The following RERE variants were observed in gnomAD, a reference collection of about 807,000 sequenced individuals.
RERE encodes the protein arginine-glutamic acid dipeptide repeats protein.
Under a neutral mutation model 146.1 loss-of-function variants are expected in RERE, and 40 were observed. The observed-to-expected ratio is 0.27, with a 90% CI of 0.21 to 0.36. RERE has a LOEUF of 0.36. Ranked by LOEUF, RERE falls within the 10% of genes least tolerant of loss-of-function variation. RERE has a pLI of 1.00. For missense variants in RERE, 1,933 were observed against 2,138.7 expected, an observed-to-expected ratio of 0.90 and a Z score of 1.90; for synonymous variants, 1,003 against 866.0, an observed-to-expected ratio of 1.16 and a Z score of -2.78.
intron 10 of RERE, among the ~76,000 whole-genome samples, chr1:8,479,335 A>T (rs1644802131): frequency 6.6e-6 from 1 of 151,836 alleles, no homozygotes; most frequent in Non-Finnish European, 1.5e-5. Flanking sequence ...CAAAATAAGT[A>T]ATATATTTTA....
chr1:8,607,534 CTTTTTTTTTT>C (rs1167501074), intron 4 of RERE, among the ~76,000 whole-genome samples: 309 of 48,592 alleles, frequency 6.4e-3, no homozygotes, highest in Admixed American at 0.014. Context: ...ATATATATTT[CTTTTTTTTTT>C]TTTTTTTTTT....
At chr1:8,712,419 T>C (rs952422779) in intron 1 of RERE, among the ~76,000 whole-genome samples, 6 of 152,182 alleles carry the variant, frequency 3.9e-5, no homozygotes, top group African/African-American at 1.4e-4. Context: ...GATCATCCCC[T>C]CCAATCTTCA....
intron 2 of RERE, among the ~76,000 whole-genome samples, chr1:8,651,524 T>C (rs1268816183): frequency 1.3e-5 from 2 of 151,760 alleles, no homozygotes; most frequent in African/African-American, 4.8e-5. Flanking sequence ...AGGATAATGG[T>C]TTTTCATCAC....
intron 2 of RERE, among the ~76,000 whole-genome samples, chr1:8,650,211 T>C (rs1212900673): frequency 6.6e-6 from 1 of 152,214 alleles, no homozygotes; most frequent in Non-Finnish European, 1.5e-5. Context: ...CTAAATAATA[T>C]TTAATTTCTC....
intron 4 of RERE, among the ~76,000 whole-genome samples, chr1:8,569,165 A>T (rs999241420): frequency 6.6e-6 from 1 of 152,046 alleles, no homozygotes; most frequent in Admixed American, 6.6e-5. Flanking sequence ...GAAGAAAAAA[A>T]TAGCTATTCG....
chr1:8,645,071 G>A (rs896110517), intron 2 of RERE, among the ~76,000 whole-genome samples: 3 of 152,002 alleles, frequency 2.0e-5, no homozygotes, highest in African/African-American at 7.2e-5. Context: ...TTCCTCATCT[G>A]TACAGCAGGG....
intron 1 of RERE, among the ~76,000 whole-genome samples, chr1:8,686,145 C>T (rs572201611): frequency 6.6e-6 from 1 of 151,626 alleles, no homozygotes; most frequent in South Asian, 2.1e-4. Flanking sequence ...CCATGCCTGG[C>T]TAATTTATTG....
rs748731873 is a variant in RERE at position 8,531,429 on chromosome 1, C to T, written c.830+9785G>A. On this transcript the variant is annotated intron_variant, in intron 7 of 22. Transcript: ENST00000400908. ...CTGCACTCCAGCCTGGGCAACAGAG[C>T]GAGACTCCACCTCAACAAAAAAAAA... Among the ~76,000 whole-genome samples, 23 of 150,936 alleles carry T rather than the reference C, an allele frequency of 1.5e-4. No individual in the cohort carries two copies. In the South Asian group the frequency reaches 1.9e-3, roughly 12 times the overall value.
intron 1 of RERE, among the ~76,000 whole-genome samples, chr1:8,734,933 T>G (rs550410616): frequency 2.6e-5 from 4 of 152,284 alleles, no homozygotes; most frequent in Middle Eastern, 3.4e-3. Context: ...ACTTACCGCA[T>G]CCCTCATAGA....
intron 1 of RERE, among the ~76,000 whole-genome samples, chr1:8,695,023 A>G (rs1390996316): frequency 6.8e-6 from 1 of 146,556 alleles, no homozygotes; most frequent in Admixed American, 6.9e-5. Context: ...TTCAAGCTAT[A>G]CTATAAGGCT....
Position 8,403,825 on chromosome 1 carries a change from C to CTTTTTTTTTTTTTTTT in RERE, c.1284+18886_1284+18901dup, listed in dbSNP as rs869295197. ...TCTATTTTTCTTAATAAAATCTTAG[C>CTTTTTTTTTTTTTTTT]TTTTTTTTTTTTTTTTTTTTTTTGA... On this transcript the variant is annotated intron_variant, in intron 12 of 22. Coordinates refer to ENST00000400908, the MANE Select transcript of RERE (RefSeq NM_001042681.2). 1.1e-3 allele frequency among the ~76,000 whole-genome samples: 81 copies of CTTTTTTTTTTTTTTTT among 70,860 alleles called. 26 individuals carry two copies. The highest frequency in any genetic ancestry group is 2.9e-3 in the East Asian group (5 of 1,746). The allele number at this position is 70,860 out of a possible 152,430, so 46.5% of individuals were successfully genotyped here. A position where few individuals can be genotyped will look rare whatever the true frequency, so the allele number is the denominator to read the frequency against.
intron 10 of RERE, among the ~76,000 whole-genome samples, chr1:8,476,469 G>A (rs778003864): frequency 6.6e-6 from 1 of 152,116 alleles, no homozygotes. Flanking sequence ...ATGAGGGTGG[G>A]TGGAGGAAAG....
intron 4 of RERE, among the ~76,000 whole-genome samples, chr1:8,571,420 C>G (rs1238834426): frequency 2.0e-5 from 3 of 152,126 alleles, no homozygotes; most frequent in Admixed American, 6.6e-5. Flanking sequence ...AATATTTGCA[C>G]TTTTAAGAAG....
At chr1:8,373,753 C>G (rs756143135) in intron 12 of RERE, among the ~76,000 whole-genome samples, 1 of 152,206 alleles carries the variant, frequency 6.6e-6, no homozygotes, top group African/African-American at 2.4e-5. Context: ...CCTTTCCCTC[C>G]CCAACGATTC....
chr1:8,783,562 T>C (rs1028929917), intron 1 of RERE, among the ~76,000 whole-genome samples: 15 of 152,062 alleles, frequency 9.9e-5, no homozygotes, highest in Admixed American at 7.2e-4. Context: ...TAATGCACTA[T>C]GGGAGGCCGA....
intron 9 of RERE, among the ~76,000 whole-genome samples, chr1:8,496,962 C>T (rs1645054712): frequency 1.3e-5 from 2 of 152,144 alleles, no homozygotes; most frequent in African/African-American, 4.8e-5. Context: ...TGCCGTGGTG[C>T]TCTGCTGCAC....
chr1:8,682,217 T>C (rs1638987313), intron 1 of RERE, among the ~76,000 whole-genome samples: 2 of 152,200 alleles, frequency 1.3e-5, no homozygotes, highest in African/African-American at 4.8e-5. Flanking sequence ...CTTCTTTATA[T>C]TATAGGCTGT....
chr1:8,426,058 C>A (rs945571714), intron 11 of RERE, among the ~76,000 whole-genome samples: 1 of 152,130 alleles, frequency 6.6e-6, no homozygotes, highest in African/African-American at 2.4e-5. Context: ...TGCAGGCAGG[C>A]GTCTACAGTG....
chr1:8,557,671 T>G lies in RERE; in HGVS notation c.523-148A>C, dbSNP rs1646023855. On this transcript the variant is annotated intron_variant, in intron 4 of 22. Transcript: ENST00000400908. ...CATCAGGACCACAACAATACATAAG[T>G]CAGTTATGAGGTCAAGTTTTGTTTT... The G allele has an allele frequency of 4.6e-6, 3 of 647,664 alleles. No homozygotes were observed. In the East Asian group the frequency reaches 8.2e-5, roughly 18 times the overall value. 40.1% of individuals were successfully genotyped at this position (647,664 alleles called of 1,614,324 possible).
Sources: allele counts gnomAD v4.1 joint callset (sites outside exome capture counted in the v4.1 genomes callset), GRCh38; gene constraint gnomAD v4.1.1; transcripts MANE v1.5; gene names NCBI Gene and HGNC (gene_info 2026-07-23, HGNC 2026-07-21).